The following NEDD9 variants were observed in gnomAD, a reference collection of about 807,000 sequenced individuals.
NEDD9 encodes the protein neural precursor cell expressed, developmentally down-regulated 9, also known as enhancer of filamentation 1.
A neutral mutation model predicts 76.6 loss-of-function variants in NEDD9; 26 were observed. The ratio of observed to expected loss-of-function variants is 0.34; its 90% confidence interval spans 0.25 to 0.47. The LOEUF is 0.47. Among genes scored for constraint, NEDD9 ranks in the 20% least tolerant of loss-of-function variants. The pLI, the probability that NEDD9 is intolerant of heterozygous loss-of-function variation, is 1.00. For synonymous variants in NEDD9, 392 were observed against 414.2 expected (o/e 0.95, Z 0.65); for missense variants, 937 against 1,058.5 (o/e 0.89, Z 1.59).
At chr6:11,308,256 A>T (rs1390119673) in intron 2 of NEDD9, among the ~76,000 whole-genome samples, 1 of 151,642 alleles carries the variant, frequency 6.6e-6, no homozygotes, top group South Asian at 2.1e-4. Flanking sequence ...TTCCTGTGGC[A>T]CATGTTACAG....
At chr6:11,214,417 C>T (rs190857220) in intron 1 of NEDD9, among the ~76,000 whole-genome samples, 1 of 152,346 alleles carries the variant, frequency 6.6e-6, no homozygotes, top group East Asian at 1.9e-4. Context: ...CAACTCTTCT[C>T]TCTCGGTCTT....
chr6:11,368,299 T>C (rs1273503363), intron 1 of NEDD9, among the ~76,000 whole-genome samples: 1 of 152,250 alleles, frequency 6.6e-6, no homozygotes, highest in Non-Finnish European at 1.5e-5. Flanking sequence ...ATTTAATCTA[T>C]CAACTATATT....
intron 2 of NEDD9, among the ~76,000 whole-genome samples, chr6:11,210,966 G>A (rs1758772961): frequency 6.6e-6 from 1 of 152,138 alleles, no homozygotes; most frequent in Admixed American, 6.5e-5. Context: ...CCACCCTCTT[G>A]CCCTCCCCAT....
chr6:11,347,971 G>A (rs190557379), intron 1 of NEDD9, among the ~76,000 whole-genome samples: 71 of 152,292 alleles, frequency 4.7e-4, no homozygotes, highest in African/African-American at 1.7e-3. Flanking sequence ...GAAATAAAGG[G>A]CATCCAAATA....
intron 3 of NEDD9, among the ~76,000 whole-genome samples, chr6:11,296,282 C>T (rs773257180): frequency 1.3e-5 from 2 of 152,082 alleles, no homozygotes; most frequent in Non-Finnish European, 2.9e-5. Context: ...ATACAATAGG[C>T]GGATTTAGAG....
At chr6:11,275,565 C>CACACACATAT (rs551632582) in intron 3 of NEDD9, among the ~76,000 whole-genome samples, 1,504 of 150,242 alleles carry the variant, frequency 0.01, 26 homozygotes, top group African/African-American at 0.034. Flanking sequence ...CACACACACA[C>CACACACATAT]ATATATATAT....
At chr6:11,379,033 T>G (rs1763015919) in intron 1 of NEDD9, among the ~76,000 whole-genome samples, 2 of 152,184 alleles carry the variant, frequency 1.3e-5, no homozygotes, top group South Asian at 4.1e-4. Context: ...TTGTATATTT[T>G]GAAGACCAAA....
chr6:11,319,724 TCACACACTAACATGCACACA>T (rs1761730889), intron 2 of NEDD9, among the ~76,000 whole-genome samples: 3 of 124,068 alleles, frequency 2.4e-5, no homozygotes, highest in South Asian at 6.0e-4. Context: ...ACATGCACAC[TCACACACTAACATGCACACA>T]CACACTAACA....
chr6:11,299,265 A>G (rs1412211444), intron 3 of NEDD9, among the ~76,000 whole-genome samples: 1 of 152,188 alleles, frequency 6.6e-6, no homozygotes. Context: ...TCGACCTGCA[A>G]CGCTGCAGCT....
chr6:11,299,426 G>T (rs1174841895), intron 3 of NEDD9, among the ~76,000 whole-genome samples: 1 of 152,246 alleles, frequency 6.6e-6, no homozygotes, highest in Non-Finnish European at 1.5e-5. Flanking sequence ...TGGGGTCAGG[G>T]CATAGGAGAA....
At chr6:11,364,513 A>C (rs1175144685) in intron 1 of NEDD9, among the ~76,000 whole-genome samples, 1 of 152,096 alleles carries the variant, frequency 6.6e-6, no homozygotes, top group East Asian at 1.9e-4. Flanking sequence ...ATTCATGGAG[A>C]GGTTAAGTAA....
chr6:11,325,625 A>G (rs1761909679), intron 2 of NEDD9, among the ~76,000 whole-genome samples: 2 of 152,236 alleles, frequency 1.3e-5, no homozygotes, highest in Non-Finnish European at 2.9e-5. Flanking sequence ...GAATGATTTT[A>G]AAAGCCTTGT....
At chr6:11,380,918 C>T (rs1354671953) in intron 1 of NEDD9, among the ~76,000 whole-genome samples, 1 of 152,178 alleles carries the variant, frequency 6.6e-6, no homozygotes, top group East Asian at 1.9e-4. Flanking sequence ...CAGCAATCCT[C>T]CCGCCTTAGC....
At chr6:11,307,632 T>TTATA (rs141347580) in intron 2 of NEDD9, among the ~76,000 whole-genome samples, 6 of 150,668 alleles carry the variant, frequency 4.0e-5, no homozygotes, top group Non-Finnish European at 5.9e-5. Context: ...GTACCAGAAA[T>TTATA]TATATATATA....
intron 1 of NEDD9, among the ~76,000 whole-genome samples, chr6:11,342,428 C>T (rs866343077): frequency 2.3e-4 from 35 of 151,998 alleles, no homozygotes; most frequent in African/African-American, 8.5e-4. Flanking sequence ...TAAAAGCAGC[C>T]AAAGAAAAAG....
intron 2 of NEDD9, among the ~76,000 whole-genome samples, chr6:11,206,080 T>C (rs1264509884): frequency 6.6e-6 from 1 of 152,238 alleles, no homozygotes; most frequent in African/African-American, 2.4e-5. Flanking sequence ...CAGTTTCTAG[T>C]TCTGCATTTT....
At chr6:11,321,741 A>G (rs1022749523) in intron 2 of NEDD9, among the ~76,000 whole-genome samples, 4 of 152,228 alleles carry the variant, frequency 2.6e-5, no homozygotes, top group Non-Finnish European at 5.9e-5. Context: ...TTTAAAAGCA[A>G]AAGTGACCAG....
chr6:11,276,942 G>GAAACAAAC lies in NEDD9; in HGVS notation c.12+29042_12+29049dup, dbSNP rs148488654. 8.7e-3 allele frequency among the ~76,000 whole-genome samples: 1,304 copies of GAAACAAAC among 150,224 alleles called. 4 individuals carry two copies. Among genetic ancestry groups the GAAACAAAC allele is most frequent in the Middle Eastern group, 0.017 (5 of 292 alleles). On this transcript the variant is annotated intron_variant, in intron 3 of 3. Coordinates refer to the NEDD9 transcript ENST00000397378. ...AATAGCTCTTTGGTTACAGGATCTGGAAACAAACAAACAAACAAACAAACA... is the reference window on the plus strand; with the variant it reads ...AATAGCTCTTTGGTTACAGGATCTGGAAACAAACAAACAAACAAACAAACAAACAAACA...
At chr6:11,259,312 T>C (rs1760060895) in intron 3 of NEDD9, among the ~76,000 whole-genome samples, 1 of 152,200 alleles carries the variant, frequency 6.6e-6, no homozygotes, top group East Asian at 1.9e-4. Flanking sequence ...AAGGCCAACC[T>C]GGAAGGGGGC....
Sources: gnomAD v4.1 joint callset for allele counts (sites outside exome capture counted in the v4.1 genomes callset) on GRCh38, gnomAD v4.1.1 for gene constraint, MANE v1.5 for transcripts, NCBI Gene and HGNC (gene_info 2026-07-23, HGNC 2026-07-21) for gene names.